The following MAGI2 variants were observed in gnomAD, a reference collection of about 807,000 sequenced individuals.
MAGI2 encodes membrane-associated guanylate kinase, WW and PDZ domain-containing protein 2.
MAGI2 carries 35 observed loss-of-function variants against 133.3 expected under a neutral mutation model. The observed-to-expected ratio is 0.26, with a 90% CI of 0.20 to 0.35. The LOEUF is 0.35. Ranked by LOEUF, MAGI2 falls within the 10% of genes least tolerant of loss-of-function variation. The pLI, the probability that MAGI2 is intolerant of heterozygous loss-of-function variation, is 1.00. For missense variants in MAGI2, 1,636 were observed against 1,863.4 expected (o/e 0.88, Z 2.25); for synonymous variants, 729 against 710.6 (o/e 1.03, Z -0.41).
chr7:78,532,683 T>C (rs1423038221), intron 3 of MAGI2, among the ~76,000 whole-genome samples: 2 of 152,216 alleles, frequency 1.3e-5, no homozygotes, highest in Non-Finnish European at 2.9e-5. Flanking sequence ...TAGAGTATGG[T>C]TAACATTAGC....
chr7:78,596,747 TCTTA>T (rs1189934063), intron 3 of MAGI2, among the ~76,000 whole-genome samples: 1 of 152,196 alleles, frequency 6.6e-6, no homozygotes, highest in Non-Finnish European at 1.5e-5. Flanking sequence ...TATATTTTCT[TCTTA>T]CTTACCAATT....
intron 1 of MAGI2, among the ~76,000 whole-genome samples, chr7:79,341,564 T>A (rs752779589): frequency 2.3e-4 from 35 of 152,320 alleles, no homozygotes; most frequent in Non-Finnish European, 4.3e-4. Flanking sequence ...GAGGCCATAT[T>A]TTCCTGTCAT....
At chr7:78,233,865 A>G (rs915358114) in intron 10 of MAGI2, among the ~76,000 whole-genome samples, 5 of 152,252 alleles carry the variant, frequency 3.3e-5, no homozygotes, top group South Asian at 4.2e-4. Flanking sequence ...GGAAAGAAGG[A>G]AGGATGCGCC....
chr7:79,230,693 C>G (rs1831291701), intron 1 of MAGI2, among the ~76,000 whole-genome samples: 1 of 151,694 alleles, frequency 6.6e-6, no homozygotes, highest in South Asian at 2.1e-4. Context: ...TGGATATTAG[C>G]CCTTTGTCAG....
intron 2 of MAGI2, among the ~76,000 whole-genome samples, chr7:78,716,945 A>C (rs940049979): frequency 6.6e-6 from 1 of 152,144 alleles, no homozygotes. Context: ...CCTTTTATAA[A>C]CTCCGGTCAG....
At chr7:78,550,752 AAC>A (rs1799264435) in intron 3 of MAGI2, among the ~76,000 whole-genome samples, 1 of 134,314 alleles carries the variant, frequency 7.4e-6, no homozygotes, top group South Asian at 2.4e-4. Flanking sequence ...GCATCCTCTG[AAC>A]AGTTTTTTTT....
At chr7:79,372,926 A>C (rs1331041978) in intron 1 of MAGI2, among the ~76,000 whole-genome samples, 1 of 152,184 alleles carries the variant, frequency 6.6e-6, no homozygotes, top group Non-Finnish European at 1.5e-5. Flanking sequence ...GAAATGCTTA[A>C]AAAATCAAAT....
In MAGI2 at chr7:79,395,981, TA is replaced by T. The variant is rs531124691; in HGVS notation, c.301+57038del. On this transcript the variant is annotated intron_variant, in intron 1 of 21. Coordinates refer to ENST00000354212, the MANE Select transcript of MAGI2 (RefSeq NM_012301.4). ...ACATTGAGGTATCTATTGATTTTTT[TA>T]AATTAAAATTATATGTGTGTCACTT... 1.2e-3 allele frequency among the ~76,000 whole-genome samples: 184 copies of T among 152,278 alleles called. 1 individual carries two copies. Among genetic ancestry groups the T allele is most frequent in the African/African-American group, 4.1e-3 (172 of 41,558 alleles).
At chr7:78,473,428 T>C (rs1271114430) in intron 6 of MAGI2, among the ~76,000 whole-genome samples, 3 of 152,116 alleles carry the variant, frequency 2.0e-5, no homozygotes, top group Non-Finnish European at 2.9e-5. Flanking sequence ...TTTTTATATT[T>C]ACATATGACA....
intron 2 of MAGI2, among the ~76,000 whole-genome samples, chr7:78,708,875 C>T (rs139006983): frequency 5.6e-4 from 85 of 152,048 alleles, no homozygotes; most frequent in Admixed American, 1.2e-3. Context: ...TTTAAAGTAC[C>T]TTATAAGACA....
chr7:78,084,031 G>T (rs1442287298), intron 20 of MAGI2, among the ~76,000 whole-genome samples: 1 of 152,186 alleles, frequency 6.6e-6, no homozygotes, highest in African/African-American at 2.4e-5. Flanking sequence ...TCAAAGGGTT[G>T]CTTGGACATC....
intron 1 of MAGI2, among the ~76,000 whole-genome samples, chr7:79,329,339 C>T (rs1839907678): frequency 6.6e-6 from 1 of 152,132 alleles, no homozygotes; most frequent in Non-Finnish European, 1.5e-5. Context: ...TAAAGATAAA[C>T]ATTGTAACAC....
At position 78,027,484 on chromosome 7, in the gene MAGI2, C is replaced by T. The variant is rs570881283; in HGVS notation, c.3707-7508G>A. 9.3e-4 allele frequency among the ~76,000 whole-genome samples: 142 copies of T among 151,920 alleles called. 1 individual carries two copies. Among genetic ancestry groups the T allele is most frequent in the African/African-American group, 3.1e-3 (129 of 41,442 alleles). On this transcript the variant is annotated intron_variant, in intron 21 of 21. Transcript: ENST00000354212. ...CTCTACTAAAAATACAAAAATTAGC[C>T]GGGTGTGGTGGCACATGCCTGTAAT...
chr7:78,190,646 A>G (rs1406567541), intron 12 of MAGI2, among the ~76,000 whole-genome samples: 1 of 152,166 alleles, frequency 6.6e-6, no homozygotes, highest in African/African-American at 2.4e-5. Flanking sequence ...TAAGTGGTGG[A>G]CGCAAGGATG....
rs139347924 is a variant in MAGI2, at chr7:79,188,552, T to C, written c.302-181346A>G. 1.9e-3 allele frequency among the ~76,000 whole-genome samples: 291 copies of C among 151,960 alleles called. 6 individuals are homozygous for C. The highest frequency in any genetic ancestry group is 6.6e-3 in the African/African-American group (275 of 41,386). ...TGATGGGCATTTGGTTGATTCCAGGTCTTTGCTGTTGTGAACAGTGCTGCA... is the reference window on the plus strand; with the variant it reads ...TGATGGGCATTTGGTTGATTCCAGGCCTTTGCTGTTGTGAACAGTGCTGCA... On this transcript the variant is annotated intron_variant, in intron 1 of 21. Coordinates refer to ENST00000354212, the MANE Select transcript of MAGI2 (RefSeq NM_012301.4).
In MAGI2 at chr7:78,131,836, G is replaced by T. The variant is rs1039439204; in HGVS notation, c.3203+1053C>A. On this transcript the variant is annotated intron_variant, in intron 18 of 21. Transcript: ENST00000354212. ...AATAGAAGAACCTCATTAGATTGTG[G>T]GTAGGAGGATGTAAGGTTGTTATAA... 9.9e-5 allele frequency among the ~76,000 whole-genome samples: 15 copies of T among 152,088 alleles called. No individual in the cohort carries two copies. The South Asian group carries it at 1.0e-3, about 11-fold the overall frequency.
intron 5 of MAGI2, among the ~76,000 whole-genome samples, chr7:78,498,027 C>T (rs1794281816): frequency 6.6e-6 from 1 of 152,110 alleles, no homozygotes; most frequent in Non-Finnish European, 1.5e-5. Context: ...TTACCTTCCT[C>T]TTACGGTATT....
At chr7:78,136,644 C>A (rs1031022209) in intron 16 of MAGI2, among the ~76,000 whole-genome samples, 1 of 152,218 alleles carries the variant, frequency 6.6e-6, no homozygotes, top group Non-Finnish European at 1.5e-5. Context: ...TGAGCCCCAG[C>A]TCAGAAACCT....
intron 5 of MAGI2, among the ~76,000 whole-genome samples, chr7:78,497,668 C>G (rs1171658498): frequency 6.6e-6 from 1 of 152,096 alleles, no homozygotes; most frequent in Non-Finnish European, 1.5e-5. Flanking sequence ...TCTTTTAAAA[C>G]TACATATCTA....
Sources: gnomAD v4.1 joint callset for allele counts (sites outside exome capture counted in the v4.1 genomes callset) on GRCh38, gnomAD v4.1.1 for gene constraint, MANE v1.5 for transcripts, NCBI Gene and HGNC (gene_info 2026-07-23, HGNC 2026-07-21) for gene names.